The following SEC61A2 variants were observed in gnomAD, a reference collection of about 807,000 sequenced individuals.
SEC61A2 encodes protein transport protein Sec61 subunit alpha isoform 2.
Under a neutral mutation model 59.9 loss-of-function variants are expected in SEC61A2, and 28 were observed. That is an observed-to-expected ratio of 0.47 (90% CI 0.35 to 0.64). SEC61A2 has a LOEUF of 0.64. Among genes scored for constraint, SEC61A2 ranks in the 30% least tolerant of loss-of-function variants. SEC61A2 has a pLI of 0.01. For synonymous variants in SEC61A2, 202 were observed against 214.4 expected, an observed-to-expected ratio of 0.94 and a Z score of 0.50; for missense variants, 340 against 585.9, an observed-to-expected ratio of 0.58 and a Z score of 4.33.
rs143686862 is a variant in SEC61A2 at position 12,149,719 on chromosome 10, C to T, written c.345C>T (p.Ala115=). The change falls in exon 5 of 12, where the codon GCC becomes GCT. Residue 115 remains alanine (A), a synonymous_variant. Transcript: ENST00000298428. This position sits in a 1 kb window ranked among gnomAD's most constrained non-coding sequence, Gnocchi z 5.2. ...AAGATAGAGCTTTATTCAATGGAGC[C>T]CAGAAACGTGAGCATTAATGCAATT... ...TPKDRALFNG[A]QKLFGMIITI... The T allele has an allele frequency of 7.9e-5, 128 of 1,610,176 alleles. 1 individual carries two copies. In the African/African-American group the frequency reaches 1.3e-3, roughly 16 times the overall value.
intron 1 of SEC61A2, among the ~76,000 whole-genome samples, chr10:12,132,856 C>T (rs1393906881): frequency 6.6e-6 from 1 of 151,924 alleles, no homozygotes; most frequent in Non-Finnish European, 1.5e-5. Flanking sequence ...GTCGTGATGC[C>T]CTTTGAACAG....
At chr10:12,166,763 G>A (rs779362942), downstream of SEC61A2, 7 of 500,368 alleles carry the variant, frequency 1.4e-5, no homozygotes, top group South Asian at 1.1e-4. Flanking sequence ...AACACAAAAA[G>A]AGCTAAACTC....
rs936950774 is a variant in SEC61A2 at position 12,156,010 on chromosome 10, G to T, written c.616+79G>T. 2 of 1,485,504 alleles carry T rather than the reference G, an allele frequency of 1.3e-6. No individual in the cohort carries two copies. Among genetic ancestry groups the T allele is most frequent in the Non-Finnish European group, 1.9e-6 (2 of 1,069,878 alleles). 92.0% of individuals were successfully genotyped at this position (1,485,504 alleles called of 1,614,324 possible). ...ACAAACCCATCGTGTCGCAGTACAT[G>T]CCTAGAGCCGTTCTGGTTTGCTCTC... is the stretch of plus-strand genomic sequence containing the variant. On this transcript the variant is annotated intron_variant, in intron 7 of 11. Transcript: ENST00000298428. The surrounding 1 kb of genome is among the most constrained non-coding windows in gnomAD (Gnocchi z 5.2).
In SEC61A2 at chr10:12,142,971, T is replaced by C. The variant is rs1396791229; in HGVS notation, c.142-146T>C. On this transcript the variant is annotated intron_variant, in intron 3 of 11. Transcript: ENST00000298428. The surrounding 1 kb of genome is among the most constrained non-coding windows in gnomAD (Gnocchi z 5.4). ...AAGTGCACACTTTATACTTTTTTTT[T>C]TTGAGACAGAGTCTCCTGTCACCCA... The C allele has an allele frequency of 6.7e-6, 4 of 597,346 alleles. No homozygotes were observed. Among genetic ancestry groups the C allele is most frequent in the Non-Finnish European group, 6.0e-6 (2 of 333,956 alleles). 37.0% of individuals were successfully genotyped at this position (597,346 alleles called of 1,614,324 possible). A position where few individuals can be genotyped will look rare whatever the true frequency, so the allele number is the denominator to read the frequency against.
chr10:12,164,926 AT>A lies in SEC61A2; in HGVS notation c.*473del. The A allele has an allele frequency of 2.1e-6, 2 of 952,862 alleles. No homozygotes were observed. The highest frequency in any genetic ancestry group is 2.5e-6 in the Non-Finnish European group (2 of 800,310). The allele number at this position is 952,862 out of a possible 1,614,324, so 59.0% of individuals were successfully genotyped here. On this transcript the variant is annotated 3_prime_UTR_variant, in exon 12 of 12. Transcript: ENST00000298428. This position sits in a 1 kb window ranked among gnomAD's most constrained non-coding sequence, Gnocchi z 7.3. Reference sequence around the variant, plus strand: ...TTTTTATACTTTTTTAACTCATGGTATCCCCACTCCCCACCCCCACCTCATT... The same window carrying A: ...TTTTTATACTTTTTTAACTCATGGTACCCCACTCCCCACCCCCACCTCATT...
downstream of SEC61A2, chr10:12,167,797 C>T: frequency 6.2e-7 from 1 of 1,614,112 alleles, no homozygotes; most frequent in Non-Finnish European, 8.5e-7. Context: ...GTGAGATGTT[C>T]TTCAGCTACC....
chr10:12,155,163 T>C lies in SEC61A2; in HGVS notation c.463-615T>C, dbSNP rs1049227807. 1 of 432,510 alleles carries C rather than the reference T, an allele frequency of 2.3e-6. No homozygotes were observed. The highest frequency in any genetic ancestry group is 2.0e-5 in the African/African-American group (1 of 49,158). 26.8% of individuals were successfully genotyped at this position (432,510 alleles called of 1,614,324 possible). On this transcript the variant is annotated intron_variant, in intron 6 of 11. Transcript: ENST00000298428. This position sits in a 1 kb window ranked among gnomAD's most constrained non-coding sequence, Gnocchi z 4.3. The stretch of plus-strand genomic sequence containing the variant: ...AACCTTAACCGTCTTCAAATTTACA[T>C]TCAATCTTTGTCACTATGTGTATAG...
rs1264175814 is a variant in SEC61A2, at chr10:12,145,928, G to A, written c.220+2733G>A. 6.6e-6 allele frequency among the ~76,000 whole-genome samples: 1 copy of A among 152,190 alleles called. No homozygotes were observed. The highest frequency in any genetic ancestry group is 1.5e-5 in the Non-Finnish European group (1 of 68,040). ...GAACAGCTAAGCCCCAGGAAGAAGG[G>A]GAGCAAGGCCAGCCCTTAGGCCTCA... On this transcript the variant is annotated intron_variant, in intron 4 of 11. Coordinates refer to ENST00000298428, the MANE Select transcript of SEC61A2 (RefSeq NM_018144.4). The surrounding 1 kb of genome is among the most constrained non-coding windows in gnomAD (Gnocchi z 4.4).
chr10:12,165,134 G>A lies in SEC61A2; in HGVS notation c.*680G>A. On this transcript the variant is annotated 3_prime_UTR_variant, in exon 12 of 12. Coordinates refer to ENST00000298428, the MANE Select transcript of SEC61A2 (RefSeq NM_018144.4). ...CATCATCGTGCTGTTTGCCTGTATT[G>A]GCTATGCCTTCTAACTCCAACCAGT... is the stretch of plus-strand genomic sequence containing the variant. The A allele has an allele frequency of 1.0e-6, 1 of 985,410 alleles. No homozygotes were observed. The highest frequency in any genetic ancestry group is 6.1e-5 in the Admixed American group (1 of 16,264). 61.0% of individuals were successfully genotyped at this position (985,410 alleles called of 1,614,324 possible). A position where few individuals can be genotyped will look rare whatever the true frequency, so the allele number is the denominator to read the frequency against.
At chr10:12,168,529 A>G (rs1158934555), downstream of SEC61A2, among the ~76,000 whole-genome samples, 3 of 151,950 alleles carry the variant, frequency 2.0e-5, no homozygotes, top group East Asian at 5.8e-4. This position sits in a 1 kb window ranked among gnomAD's most constrained non-coding sequence, Gnocchi z 4.8. Flanking sequence ...AGGACTGGAG[A>G]TCTACTACCA....
In SEC61A2 at chr10:12,145,182, C is replaced by T. The variant is rs1332341789; in HGVS notation, c.220+1987C>T. On this transcript the variant is annotated intron_variant, in intron 4 of 11. Coordinates refer to ENST00000298428, the MANE Select transcript of SEC61A2 (RefSeq NM_018144.4). This position sits in a 1 kb window ranked among gnomAD's most constrained non-coding sequence, Gnocchi z 4.4. ...GGCTTGGAGACCGTTGGATGGAGCA[C>T]ATTTTAAGGAAGATGGGAAACTTCT... Among the ~76,000 whole-genome samples the T allele has an allele frequency of 6.6e-6, 1 of 152,102 alleles. No individual in the cohort carries two copies. The highest frequency in any genetic ancestry group is 1.5e-5 in the Non-Finnish European group (1 of 68,026).
rs1455781899 is a variant in SEC61A2 at position 12,165,290 on chromosome 10, AT to A, written c.*839del. The A allele has an allele frequency of 1.0e-6, 1 of 985,410 alleles. No individual in the cohort carries two copies. The highest frequency in any genetic ancestry group is 1.2e-6 in the Non-Finnish European group (1 of 829,892). 61.0% of individuals were successfully genotyped at this position (985,410 alleles called of 1,614,324 possible). On this transcript the variant is annotated 3_prime_UTR_variant, in exon 12 of 12. Coordinates refer to ENST00000298428, the MANE Select transcript of SEC61A2 (RefSeq NM_018144.4). The stretch of plus-strand genomic sequence containing the variant: ...AACAATGAATATATTCATGCTAGGA[AT>A]TTGTGTCTGTTGTTGTACTCACAGC...
chr10:12,133,353 G>A (rs757431865), intron 2 of SEC61A2, 45 bp downstream of exon 2: 14 of 995,058 alleles, frequency 1.4e-5, no homozygotes, highest in Admixed American at 8.6e-5. Flanking sequence ...TCAAGGGCTT[G>A]TTCTATGAAA....
At position 12,143,346 on chromosome 10, in the gene SEC61A2, T is replaced by C. The variant is rs1257400619; in HGVS notation, c.220+151T>C. 1.5e-6 allele frequency: 1 copy of C among 668,680 alleles called. No homozygotes were observed. The highest frequency in any genetic ancestry group is 2.7e-6 in the Non-Finnish European group (1 of 370,942). 41.4% of individuals were successfully genotyped at this position (668,680 alleles called of 1,614,324 possible). On this transcript the variant is annotated intron_variant, in intron 4 of 11. Coordinates refer to ENST00000298428, the MANE Select transcript of SEC61A2 (RefSeq NM_018144.4). The surrounding 1 kb of genome is among the most constrained non-coding windows in gnomAD (Gnocchi z 4.8). ...TGTAGATAATGACAACACCGTGTGA[T>C]TAATGTAATCATAGAGAAATCTGTT...
rs576210293 is a variant in SEC61A2, at chr10:12,161,568, C to T, written c.1167+447C>T. Among the ~76,000 whole-genome samples the T allele has an allele frequency of 5.3e-5, 8 of 152,194 alleles. No homozygotes were observed. Among genetic ancestry groups the T allele is most frequent in the African/African-American group, 1.9e-4 (8 of 41,562 alleles). The stretch of plus-strand genomic sequence containing the variant: ...CCATCCTGGTCAGCATGGTAAAACC[C>T]TTTCTCTACTAAAAATACAAAAATT... On this transcript the variant is annotated intron_variant, in intron 10 of 11. Transcript: ENST00000298428. The surrounding 1 kb of genome is among the most constrained non-coding windows in gnomAD (Gnocchi z 5.4).
downstream of SEC61A2, among the ~76,000 whole-genome samples, chr10:12,169,098 G>A (rs1834787118): frequency 2.6e-5 from 4 of 152,094 alleles, no homozygotes; most frequent in South Asian, 6.2e-4. The surrounding 1 kb of genome is among the most constrained non-coding windows in gnomAD (Gnocchi z 4.8). Flanking sequence ...CTTTCCTTCC[G>A]ACTTCTCAAA....
At chr10:12,146,733 T>A (rs1190264237) in intron 4 of SEC61A2, among the ~76,000 whole-genome samples, 1 of 151,796 alleles carries the variant, frequency 6.6e-6, no homozygotes, top group Admixed American at 6.6e-5. Context: ...TTAGCCAGGA[T>A]GGTCTTGATC....
intron 2 of SEC61A2, among the ~76,000 whole-genome samples, chr10:12,134,199 G>C (rs1016145733): frequency 6.8e-5 from 9 of 131,704 alleles, no homozygotes; most frequent in African/African-American, 8.5e-5. Context: ...AGTAGAGACG[G>C]GGTTTCACCG....
chr10:12,155,333 AT>A lies in SEC61A2; in HGVS notation c.463-444del. ...AAGGATCAACACAGCCCTTAGACTT[AT>A]CCTTTGATGGCAGTGTACATTTCCA... On this transcript the variant is annotated intron_variant, in intron 6 of 11. Transcript: ENST00000298428. The surrounding 1 kb of genome is among the most constrained non-coding windows in gnomAD (Gnocchi z 4.3). The A allele has an allele frequency of 6.3e-7, 1 of 1,584,280 alleles. No individual in the cohort carries two copies. The highest frequency in any genetic ancestry group is 8.6e-7 in the Non-Finnish European group (1 of 1,167,294).
Sources: allele counts gnomAD v4.1 joint callset (sites outside exome capture counted in the v4.1 genomes callset), GRCh38; gene constraint gnomAD v4.1.1; non-coding constraint Gnocchi (gnomAD v3.1); transcripts MANE v1.5; gene names NCBI Gene and HGNC (gene_info 2026-07-23, HGNC 2026-07-21).